Variants in SORBS2 observed in about 807,000 individuals in gnomAD.
SORBS2 encodes sorbin and SH3 domain containing 2.
In SORBS2, 46 loss-of-function variants were observed where a neutral mutation model predicts 97.7. The ratio of observed to expected loss-of-function variants is 0.47; its 90% CI spans 0.37 to 0.60. The LOEUF is 0.60. Ranked by LOEUF, SORBS2 falls within the 20% of genes least tolerant of loss-of-function variation. The pLI is 0.00. For missense variants in SORBS2, 1,316 were observed against 1,282.3 expected (o/e 1.03, Z -0.40); for synonymous variants, 476 against 473.4 (o/e 1.01, Z -0.07).
intron 1 of SORBS2, among the ~76,000 whole-genome samples, chr4:185,919,626 ATG>A (rs2099260058): frequency 6.6e-6 from 1 of 152,222 alleles, no homozygotes; most frequent in Admixed American, 6.5e-5. Context: ...AGCAGTCAAA[ATG>A]AGAAAAGTCA....
At chr4:185,758,049 G>A (rs1380383443) in intron 2 of SORBS2, among the ~76,000 whole-genome samples, 1 of 152,198 alleles carries the variant, frequency 6.6e-6, no homozygotes, top group Non-Finnish European at 1.5e-5. Context: ...GAGTTGTGTG[G>A]AGGCTGCTGT....
chr4:185,603,925 G>T (rs1453921015), intron 12 of SORBS2, among the ~76,000 whole-genome samples: 4 of 152,092 alleles, frequency 2.6e-5, no homozygotes, highest in African/African-American at 9.7e-5. Context: ...GAAGAACAAG[G>T]CTCAAGACAG....
chr4:185,700,906 A>G (rs2098251972), intron 2 of SORBS2, among the ~76,000 whole-genome samples: 1 of 152,192 alleles, frequency 6.6e-6, no homozygotes, highest in Admixed American at 6.5e-5. Flanking sequence ...TAAAACTTTC[A>G]CTCAATCCAC....
At position 185,606,502 on chromosome 4, in the gene SORBS2, G is replaced by A; in HGVS notation, c.2796+5278C>T. On this transcript the variant is annotated intron_variant, in intron 12 of 14. Transcript: ENST00000418609. The surrounding 1 kb of genome is among the most constrained non-coding windows in gnomAD (Gnocchi z 4.3). The stretch of plus-strand genomic sequence containing the variant: ...TTAAAAAAATCTGTTAGTCAAAATA[G>A]GTATTTATTAATATGATTAACTCTA... 1.0e-6 allele frequency: 1 copy of A among 982,728 alleles called. No individual in the cohort carries two copies. The highest frequency in any genetic ancestry group is 1.2e-6 in the Non-Finnish European group (1 of 827,578). The allele number at this position is 982,728 out of a possible 1,614,324, so 60.9% of individuals were successfully genotyped here.
intron 1 of SORBS2, among the ~76,000 whole-genome samples, chr4:185,907,463 T>C (rs1030355583): frequency 3.3e-5 from 5 of 152,222 alleles, no homozygotes; most frequent in African/African-American, 1.2e-4. Context: ...ATAACATAAT[T>C]GTCATGTTTC....
intron 4 of SORBS2, among the ~76,000 whole-genome samples, chr4:185,669,853 A>C (rs1360659826): frequency 6.6e-6 from 1 of 152,208 alleles, no homozygotes; most frequent in Non-Finnish European, 1.5e-5. Flanking sequence ...AGTTGAGAGA[A>C]TAGACATGTT....
intron 2 of SORBS2, among the ~76,000 whole-genome samples, chr4:185,692,554 A>G (rs2098116073): frequency 6.6e-6 from 1 of 152,136 alleles, no homozygotes; most frequent in Non-Finnish European, 1.5e-5. Flanking sequence ...CAATGTGGCT[A>G]TTGGAGTTCA....
chr4:185,758,106 T>C (rs948047985), intron 2 of SORBS2, among the ~76,000 whole-genome samples: 1 of 152,222 alleles, frequency 6.6e-6, no homozygotes, highest in Non-Finnish European at 1.5e-5. Flanking sequence ...ACACAGTTAA[T>C]GAGGCTGGTG....
intron 2 of SORBS2, 74 bp downstream of exon 2, chr4:185,775,153 G>C (rs943175224): frequency 2.0e-5 from 3 of 152,550 alleles, no homozygotes; most frequent in Non-Finnish European, 2.9e-5. Flanking sequence ...TTCACTATAA[G>C]TAAGTTATTT....
Position 185,666,055 on chromosome 4 carries a change from G to A in SORBS2, c.-45-3813C>T, listed in dbSNP as rs1424062383. On this transcript the variant is annotated intron_variant, in intron 4 of 20. Transcript: ENST00000284776. ...ATCGGGGGGCGGAAGGCTGAGTGATGCTGAGCTGGTGCCACTGCCTGGTGA... is the reference window on the plus strand; with the variant it reads ...ATCGGGGGGCGGAAGGCTGAGTGATACTGAGCTGGTGCCACTGCCTGGTGA... 3.9e-6 allele frequency: 5 copies of A among 1,289,658 alleles called. No individual in the cohort carries two copies. The Admixed American group carries it at 9.2e-5, about 24-fold the overall frequency. The allele number at this position is 1,289,658 out of a possible 1,614,324, so 79.9% of individuals were successfully genotyped here.
At chr4:185,795,890 C>A (rs1405863636) in intron 1 of SORBS2, among the ~76,000 whole-genome samples, 3 of 152,124 alleles carry the variant, frequency 2.0e-5, no homozygotes. Context: ...AAGACAGAAA[C>A]CTGGTGATTA....
intron 2 of SORBS2, among the ~76,000 whole-genome samples, chr4:185,701,336 A>G (rs2098259169): frequency 6.6e-6 from 1 of 152,170 alleles, no homozygotes; most frequent in African/African-American, 2.4e-5. Context: ...TACAGATCCA[A>G]CCTGGGCCTC....
chr4:185,926,024 C>T (rs1031609314), intron 1 of SORBS2, among the ~76,000 whole-genome samples: 1 of 152,168 alleles, frequency 6.6e-6, no homozygotes, highest in African/African-American at 2.4e-5. Flanking sequence ...CACACACAGA[C>T]TCGGAGGAGC....
At chr4:185,839,586 G>C (rs2099210266) in intron 1 of SORBS2, among the ~76,000 whole-genome samples, 1 of 152,164 alleles carries the variant, frequency 6.6e-6, no homozygotes, top group East Asian at 1.9e-4. Context: ...CTTAAGAGAG[G>C]AATGTACTCC....
chr4:185,912,887 G>A (rs976576201), intron 1 of SORBS2, among the ~76,000 whole-genome samples: 3 of 152,132 alleles, frequency 2.0e-5, no homozygotes, highest in African/African-American at 4.8e-5. Flanking sequence ...TTCCCGTTTC[G>A]AATGTTACAT....
At chr4:185,701,040 G>A (rs12648024) in intron 2 of SORBS2, among the ~76,000 whole-genome samples, 25,065 of 152,158 alleles carry the variant, frequency 0.16, 3,789 homozygotes, top group African/African-American at 0.39. Flanking sequence ...CTTATTTGAC[G>A]TACTGGCTAA....
chr4:185,626,678 G>T, intron 6 of SORBS2, 154 bp downstream of exon 18: 1 of 739,920 alleles, frequency 1.4e-6, no homozygotes, highest in Non-Finnish European at 2.2e-6. Flanking sequence ...GTCAGTCTGG[G>T]TGGGAAGAAG....
chr4:185,944,247 C>T (rs919211989), intron 1 of SORBS2, among the ~76,000 whole-genome samples: 9 of 152,162 alleles, frequency 5.9e-5, no homozygotes, highest in Non-Finnish European at 8.8e-5. Flanking sequence ...GAAATGCTTT[C>T]GGGGCCCCAA....
At chr4:185,922,283 T>C (rs1448236913) in intron 1 of SORBS2, among the ~76,000 whole-genome samples, 1 of 112,494 alleles carries the variant, frequency 8.9e-6, no homozygotes, top group Admixed American at 8.5e-5. Context: ...CCTTCCTCTC[T>C]CTGTCCCAGC....
Sources: gnomAD v4.1 joint callset for allele counts (sites outside exome capture counted in the v4.1 genomes callset) on GRCh38, gnomAD v4.1.1 for gene constraint, Gnocchi (gnomAD v3.1) non-coding constraint, MANE v1.5 for transcripts, NCBI Gene and HGNC (gene_info 2026-07-23, HGNC 2026-07-21) for gene names.